Variants in EGFR observed in about 807,000 individuals in gnomAD.
The protein encoded by EGFR is epidermal growth factor receptor, also known as avian erythroblastic leukemia viral (v-erb-b) oncogene homolog.
Under a neutral mutation model 143.0 loss-of-function variants are expected in EGFR, and 58 were observed. The ratio of observed to expected loss-of-function variants is 0.41; its 90% confidence interval spans 0.33 to 0.50. The LOEUF is 0.50. Ranked by LOEUF, EGFR falls within the 20% of genes least tolerant of loss-of-function variation. The pLI is 0.39. For synonymous variants in EGFR, 613 were observed against 594.4 expected, an observed-to-expected ratio of 1.03 and a Z score of -0.45; for missense variants, 1,307 against 1,579.0, an observed-to-expected ratio of 0.83 and a Z score of 2.92.
chr7:55,187,773 A>G lies in EGFR; in HGVS notation c.2470-3946A>G, dbSNP rs184491300. ...ATCCGTAGTTTCAGAGCCCCCCTGA[A>G]CCCCATCCCTTACCTCTACCAGTTG... is the stretch of plus-strand genomic sequence containing the variant. On this transcript the variant is annotated intron_variant, in intron 20 of 27. Coordinates refer to ENST00000275493, the MANE Select transcript of EGFR (RefSeq NM_005228.5). Among the ~76,000 whole-genome samples the G allele has an allele frequency of 3.2e-3, 481 of 152,056 alleles. 2 individuals are homozygous for G. Among genetic ancestry groups the G allele is most frequent in the African/African-American group, 9.8e-3 (408 of 41,450 alleles).
intron 19 of EGFR, among the ~76,000 whole-genome samples, chr7:55,175,766 T>C (rs1786566579): frequency 6.6e-6 from 1 of 152,188 alleles, no homozygotes; most frequent in African/African-American, 2.4e-5. Flanking sequence ...ACCCACAGAA[T>C]ACATAGCAAG....
At chr7:55,130,520 C>T (rs924226057) in intron 1 of EGFR, among the ~76,000 whole-genome samples, 7 of 152,108 alleles carry the variant, frequency 4.6e-5, no homozygotes, top group African/African-American at 1.7e-4. Flanking sequence ...CGCCCGCCCC[C>T]GGGACAAGGT....
intron 19 of EGFR, 21 bp downstream of exon 19, chr7:55,174,841 G>T: frequency 1.2e-6 from 2 of 1,603,394 alleles, no homozygotes; most frequent in Non-Finnish European, 1.7e-6. Context: ...GCTTTGCTGT[G>T]TGGGGGTCCA....
chr7:55,165,479 C>T (rs1030183647), intron 15 of EGFR, 42 bp downstream of exon 15: 1 of 1,572,500 alleles, frequency 6.4e-7, no homozygotes, highest in Non-Finnish European at 8.6e-7. Flanking sequence ...TCCTCTCTTG[C>T]AAATTCAGAG....
At chr7:55,074,571 T>C (rs1029770145) in intron 1 of EGFR, among the ~76,000 whole-genome samples, 15 of 152,260 alleles carry the variant, frequency 9.9e-5, no homozygotes, top group Non-Finnish European at 2.2e-4. Flanking sequence ...AAAAAATACC[T>C]AATTATTTTA....
At chr7:55,120,330 T>C (rs1372121606) in intron 1 of EGFR, among the ~76,000 whole-genome samples, 1 of 152,228 alleles carries the variant, frequency 6.6e-6, no homozygotes, top group Non-Finnish European at 1.5e-5. Context: ...CACTTCCTGG[T>C]ACCCTGTGTG....
At position 55,034,757 on chromosome 7, in the gene EGFR, G is replaced by A. The variant is rs1347731573; in HGVS notation, c.88+15392G>A. ...GGAGACTTGCTGTTTCCTACTAGCA[G>A]CATATAAAAGTTATTTTTAAAGTTG... On this transcript the variant is annotated intron_variant, in intron 1 of 27. Transcript: ENST00000275493. Among the ~76,000 whole-genome samples the A allele has an allele frequency of 2.6e-5, 4 of 152,310 alleles. No homozygotes were observed. The East Asian group carries it at 7.7e-4, about 29-fold the overall frequency.
chr7:55,157,619 ACTC>A (rs1390299186), intron 10 of EGFR, 41 bp from the exon 11 acceptor site: 1 of 1,544,152 alleles, frequency 6.5e-7, no homozygotes, highest in South Asian at 1.1e-5. Flanking sequence ...CAAAAAAGAA[ACTC>A]CTACGTGGTG....
At chr7:55,194,653 C>T (rs1000932202) in intron 22 of EGFR, among the ~76,000 whole-genome samples, 6 of 152,212 alleles carry the variant, frequency 3.9e-5, no homozygotes, top group Non-Finnish European at 7.3e-5. Context: ...CCTCCCGTCA[C>T]GCTCCAGGCA....
chr7:55,153,776 C>T lies in EGFR; in HGVS notation c.748-235C>T, dbSNP rs11770689. Among the ~76,000 whole-genome samples, 13,895 of 152,072 alleles carry T rather than the reference C, an allele frequency of 0.091. 770 individuals carry two copies. The highest frequency in any genetic ancestry group is 0.19 in the Middle Eastern group (55 of 294). Reference sequence around the variant, plus strand: ...AAACAGACGTATTTTTATCATAATCCATAAATTATGATAGGTGGGACAGTG... The same window carrying T: ...AAACAGACGTATTTTTATCATAATCTATAAATTATGATAGGTGGGACAGTG... On this transcript the variant is annotated intron_variant, in intron 6 of 27. Transcript: ENST00000275493.
In EGFR at chr7:55,157,356, G is replaced by A. The variant is rs1168566477; in HGVS notation, c.1208-307G>A. Among the ~76,000 whole-genome samples the A allele has an allele frequency of 3.3e-5, 5 of 152,204 alleles. No homozygotes were observed. The South Asian group carries it at 6.2e-4, about 19-fold the overall frequency. Reference sequence around the variant, plus strand: ...CCAGATCCACAATTGGCAGATAATCGCAGCAGGAGCCTCTTCGGGGTAATC... The same window carrying A: ...CCAGATCCACAATTGGCAGATAATCACAGCAGGAGCCTCTTCGGGGTAATC... On this transcript the variant is annotated intron_variant, in intron 10 of 27. Transcript: ENST00000275493.
At position 55,191,759 on chromosome 7, in the gene EGFR, A is replaced by T. The variant is rs1402174871; in HGVS notation, c.2510A>T (p.Asp837Val). Residue 837 changes from aspartate (D) to valine (V), a missense_variant, in exon 21 of 28, where the codon GAC becomes GTC. Asp to Val is a radical substitution (Grantham distance 152). Around this residue, in one of 7 missense-constraint regions of EGFR, gnomAD observed 348 missense variants for 451.5 expected, o/e 0.77. Coordinates refer to ENST00000275493, the MANE Select transcript of EGFR (RefSeq NM_005228.5). ...GAGGACCGTCGCTTGGTGCACCGCG[A>T]CCTGGCAGCCAGGAACGTACTGGTG... The part of the protein sequence containing the change: ...YLEDRRLVHR[D>V]LAARNVLVKT... The T allele has an allele frequency of 6.2e-7, 1 of 1,613,830 alleles. No homozygotes were observed. The highest frequency in any genetic ancestry group is 1.3e-5 in the African/African-American group (1 of 74,870).
intron 1 of EGFR, among the ~76,000 whole-genome samples, chr7:55,029,763 TAG>T (rs1451197982): frequency 6.6e-6 from 1 of 152,176 alleles, no homozygotes; most frequent in Non-Finnish European, 1.5e-5. Context: ...GAAAACAGGT[TAG>T]AGTCTCCCCT....
At chr7:55,130,169 A>G (rs900264967) in intron 1 of EGFR, among the ~76,000 whole-genome samples, 6 of 152,154 alleles carry the variant, frequency 3.9e-5, no homozygotes, top group African/African-American at 1.4e-4. Flanking sequence ...CACTAGATTC[A>G]GGCCTGGGGC....
At chr7:55,097,551 C>T (rs1791553511) in intron 1 of EGFR, among the ~76,000 whole-genome samples, 1 of 152,192 alleles carries the variant, frequency 6.6e-6, no homozygotes, top group South Asian at 2.1e-4. Flanking sequence ...AGTGCACTGG[C>T]AGTGTCTATA....
intron 1 of EGFR, among the ~76,000 whole-genome samples, chr7:55,115,092 A>C (rs1438677807): frequency 6.6e-6 from 1 of 152,058 alleles, no homozygotes; most frequent in African/African-American, 2.4e-5. Context: ...CATGGTCTCG[A>C]TCTCCTGACC....
chr7:55,048,493 C>T (rs1029454315), intron 1 of EGFR, among the ~76,000 whole-genome samples: 3 of 152,240 alleles, frequency 2.0e-5, no homozygotes, highest in Non-Finnish European at 4.4e-5. Context: ...TTCCATGATG[C>T]TTTCAAAGTG....
chr7:55,146,544 A>G, intron 3 of EGFR, 62 bp from the exon 4 acceptor site: 2 of 1,610,424 alleles, frequency 1.2e-6, no homozygotes. Flanking sequence ...GAGCACATGC[A>G]TCCTTCATGG....
chr7:55,183,066 A>T (rs975345539), intron 20 of EGFR, among the ~76,000 whole-genome samples: 1 of 152,072 alleles, frequency 6.6e-6, no homozygotes. Context: ...TCTGAGGAGG[A>T]TCCTTCCTGC....
Sources: allele counts gnomAD v4.1 joint callset (sites outside exome capture counted in the v4.1 genomes callset), GRCh38; gene constraint gnomAD v4.1.1; regional missense constraint gnomAD v4.1.1; transcripts MANE v1.5; gene names NCBI Gene and HGNC (gene_info 2026-07-23, HGNC 2026-07-21).